The following SYNE1 variants were observed in gnomAD, a reference collection of about 807,000 sequenced individuals.
SYNE1 encodes the protein nesprin-1.
SYNE1 carries 616 observed loss-of-function variants against 1,111.0 expected under a neutral mutation model. The ratio of observed to expected loss-of-function variants is 0.55; its 90% confidence interval spans 0.52 to 0.59. The LOEUF is 0.59. Among genes scored for constraint, SYNE1 ranks in the 20% least tolerant of loss-of-function variants. The probability of loss-of-function intolerance (pLI) is 0.00; values close to 1 mark genes in which losing one functional copy is unlikely to be tolerated. For missense variants in SYNE1, 10,006 were observed against 10,417.0 expected (o/e 0.96, Z 1.72); for synonymous variants, 3,855 against 3,825.8 (o/e 1.01, Z -0.28).
chr6:152,146,501 A>G (rs1241840961), intron 137 of SYNE1: 4 of 152,210 alleles, frequency 2.6e-5, no homozygotes, highest in African/African-American at 9.7e-5. Flanking sequence ...TCAGAGCTCA[A>G]CAGTCCCAAC....
chr6:152,357,976 A>G (rs952282236), intron 66 of SYNE1, among the ~76,000 whole-genome samples: 4 of 152,152 alleles, frequency 2.6e-5, no homozygotes, highest in Non-Finnish European at 4.4e-5. Context: ...TTAAAACTAC[A>G]TGGTTCAAGA....
At chr6:152,185,150 A>G (rs914728042) in intron 128 of SYNE1, 2 of 152,218 alleles carry the variant, frequency 1.3e-5, no homozygotes, top group African/African-American at 4.8e-5. Context: ...ACAAATCTAC[A>G]AACCAAAACA....
chr6:152,267,010 T>C (rs2092779805), intron 100 of SYNE1, among the ~76,000 whole-genome samples: 1 of 152,228 alleles, frequency 6.6e-6, no homozygotes, highest in Non-Finnish European at 1.5e-5. Context: ...TATCACATTT[T>C]TACTTAGCAT....
At chr6:152,619,586 C>T (rs1292795004) in intron 3 of SYNE1, among the ~76,000 whole-genome samples, 1 of 152,102 alleles carries the variant, frequency 6.6e-6, no homozygotes, top group Non-Finnish European at 1.5e-5. Flanking sequence ...ATTTCTGACT[C>T]CATAAAGAAC....
Position 152,344,121 on chromosome 6 carries a change from C to T in SYNE1, c.12185G>A (p.Ser4062Asn), listed in dbSNP as rs370030947. Residue 4062 changes from serine to asparagine, a missense_variant, in exon 74 of 146, where the codon AGT becomes AAT. Physicochemically the swap from Ser to Asn is conservative, Grantham distance 46 (BLOSUM62 1). Transcript: ENST00000367255. ...LSAVQPDLEP[S>N]PQPPLSRAEA... ...TGCCCTACTAAGAGGTGGTTGAGGA[C>T]TTGGCTCTAAATCCGGCTGGACTGC... 1.5e-5 allele frequency: 25 copies of T among 1,614,062 alleles called. No individual in the cohort carries two copies. Among genetic ancestry groups the T allele is most frequent in the Non-Finnish European group, 2.0e-5 (24 of 1,180,036 alleles).
chr6:152,236,950 T>C lies in SYNE1; in HGVS notation c.20068-2A>G. On this transcript the variant is annotated splice_acceptor_variant, in intron 108 of 145. Coordinates refer to ENST00000367255, the MANE Select transcript of SYNE1 (RefSeq NM_182961.4). LOFTEE classifies it high-confidence loss of function. ...GTCCTCATCCAGATGGGACCACGTC[T>C]AGAAACACAACATGAGTCTGTGAGC... 1 of 1,613,670 alleles carries C rather than the reference T, an allele frequency of 6.2e-7. No homozygotes were observed. The highest frequency in any genetic ancestry group is 8.5e-7 in the Non-Finnish European group (1 of 1,179,920).
chr6:152,621,553 T>C (rs2099675406), intron 3 of SYNE1, among the ~76,000 whole-genome samples: 1 of 152,122 alleles, frequency 6.6e-6, no homozygotes, highest in African/African-American at 2.4e-5. Flanking sequence ...ATTTGACTGC[T>C]TGCCATAATT....
At chr6:152,230,132 A>T (rs750844616) in intron 115 of SYNE1, among the ~76,000 whole-genome samples, 4 of 152,088 alleles carry the variant, frequency 2.6e-5, no homozygotes, top group Non-Finnish European at 5.9e-5. Context: ...TCCTGAATTC[A>T]AGCAATCCTC....
chr6:152,601,867 G>T (rs2099597026), intron 3 of SYNE1, among the ~76,000 whole-genome samples: 1 of 152,172 alleles, frequency 6.6e-6, no homozygotes, highest in East Asian at 1.9e-4. Context: ...GAAGTAGGCT[G>T]TGTGTAAAAA....
chr6:152,390,302 T>C lies in SYNE1; in HGVS notation c.8155A>G (p.Ser2719Gly). 1 of 1,614,110 alleles carries C rather than the reference T, an allele frequency of 6.2e-7. No homozygotes were observed. Among genetic ancestry groups the C allele is most frequent in the Non-Finnish European group, 8.5e-7 (1 of 1,180,004 alleles). ...TACCTTTGAGCGTGGACGGAGGAGCTCATGATGTCAGCCCACACTTCTTTA... is the reference window on the plus strand; with the variant it reads ...TACCTTTGAGCGTGGACGGAGGAGCCCATGATGTCAGCCCACACTTCTTTA... ...TLKEVWADIMSSSVHAQSTLE... is the reference protein window; with the variant it reads ...TLKEVWADIMGSSVHAQSTLE... The change falls in exon 53 of 146, where the codon AGC (serine) becomes GGC (glycine). Residue 2719 changes from serine to glycine, a missense_variant. Transcript: ENST00000367255.
chr6:152,579,765 C>T (rs1039471890), intron 3 of SYNE1, among the ~76,000 whole-genome samples: 1 of 152,178 alleles, frequency 6.6e-6, no homozygotes, highest in Non-Finnish European at 1.5e-5. Context: ...CAGGTAACAA[C>T]ATGTGGTACT....
At chr6:152,314,680 TAAAC>T (rs2095654093) in intron 87 of SYNE1, among the ~76,000 whole-genome samples, 1 of 151,990 alleles carries the variant, frequency 6.6e-6, no homozygotes, top group Non-Finnish European at 1.5e-5. Flanking sequence ...GTTGAATAAA[TAAAC>T]AAACGCTTGT....
chr6:152,560,751 A>G (rs1233776461), intron 3 of SYNE1, among the ~76,000 whole-genome samples: 2 of 152,214 alleles, frequency 1.3e-5, no homozygotes, highest in African/African-American at 4.8e-5. Flanking sequence ...AGATTCAAGA[A>G]TGGTTCACTA....
Position 152,231,802 on chromosome 6 carries a change from G to GTGTATA in SYNE1, c.20863-236_20863-235insTATACA, listed in dbSNP as rs144601774. 3.8e-4 allele frequency among the ~76,000 whole-genome samples: 57 copies of GTGTATA among 149,624 alleles called. No homozygotes were observed. The East Asian group carries it at 4.3e-3, about 11-fold the overall frequency. Reference sequence around the variant, plus strand: ...CGTGTGTATGTGTGTGTGTGTGTGTGTATATATATATTTAGGTAGAAGATT... The same window carrying GTGTATA: ...CGTGTGTATGTGTGTGTGTGTGTGTGTGTATATATATATATATTTAGGTAGAAGATT... On this transcript the variant is annotated intron_variant, in intron 113 of 145. Transcript: ENST00000367255.
intron 55 of SYNE1, among the ~76,000 whole-genome samples, chr6:152,383,071 G>T (rs576419440): frequency 2.0e-5 from 3 of 152,256 alleles, no homozygotes; most frequent in East Asian, 3.9e-4. Context: ...GGTGCTTTAT[G>T]TATTTCCTCC....
intron 3 of SYNE1, among the ~76,000 whole-genome samples, chr6:152,564,572 C>T (rs981051368): frequency 2.0e-5 from 3 of 152,086 alleles, no homozygotes; most frequent in Admixed American, 1.3e-4. Flanking sequence ...CCACCTTGGC[C>T]TCCAAAAATG....
chr6:152,203,495 G>A (rs990912967), intron 126 of SYNE1, among the ~76,000 whole-genome samples: 20 of 152,106 alleles, frequency 1.3e-4, no homozygotes, highest in Admixed American at 7.9e-4. Context: ...GAATTCCAAA[G>A]CAAGACAACT....
chr6:152,425,934 T>C (rs193046498), intron 38 of SYNE1, among the ~76,000 whole-genome samples: 177 of 152,312 alleles, frequency 1.2e-3, no homozygotes, highest in African/African-American at 3.5e-3. Context: ...AAAGAAAAAC[T>C]ATTGCCGGAG....
chr6:152,127,751 C>T (rs1367408317), intron 145 of SYNE1: 1 of 152,020 alleles, frequency 6.6e-6, no homozygotes, highest in Non-Finnish European at 1.5e-5. Context: ...AAATAGATCC[C>T]CAGATAATGA....
Sources: gnomAD v4.1 joint callset for allele counts (sites outside exome capture counted in the v4.1 genomes callset) on GRCh38, gnomAD v4.1.1 for gene constraint, MANE v1.5 for transcripts, NCBI Gene and HGNC (gene_info 2026-07-23, HGNC 2026-07-21) for gene names.